The following P2RX4 variants were observed in gnomAD, a reference collection of about 807,000 sequenced individuals.
P2RX4 encodes the protein purinergic receptor P2X 4, also known as P2X purinoceptor 4.
P2RX4 carries 37 observed loss-of-function variants against 48.0 expected under a neutral mutation model. That is an observed-to-expected ratio of 0.77 (90% confidence interval 0.59 to 1.01). P2RX4 has a LOEUF of 1.01. P2RX4 is among the 50% of genes least tolerant of loss of function. P2RX4 has a pLI of 0.00. For missense variants in P2RX4, 501 were observed against 521.4 expected, an observed-to-expected ratio of 0.96 and a Z score of 0.38; for synonymous variants, 200 against 199.7, an observed-to-expected ratio of 1.00 and a Z score of -0.01.
At position 121,233,018 on chromosome 12, in the gene P2RX4, A is replaced by ATAG. The variant is rs774300164; in HGVS notation, c.1068_1070dup (p.Val357dup). 4.8e-5 allele frequency: 77 copies of ATAG among 1,613,574 alleles called. 1 individual carries two copies. The South Asian group carries it at 4.9e-4, about 10-fold the overall frequency. On this transcript the variant is annotated inframe_insertion, in exon 11 of 12. Transcript: ENST00000337233. The stretch of plus-strand genomic sequence containing the variant: ...TCAGGCGACCGTGCTGTGTGACATC[A>ATAG]TAGTCCTCTACTGCATGAAGAAAAG...
chr12:121,218,141 A>G (rs1593203557), intron 2 of P2RX4, among the ~76,000 whole-genome samples: 1 of 152,272 alleles, frequency 6.6e-6, no homozygotes, highest in Middle Eastern at 3.4e-3. Context: ...CCTTCTCAAG[A>G]GAAGGGTCTT....
At chr12:121,210,775 C>A (rs1012300915) in intron 1 of P2RX4, among the ~76,000 whole-genome samples, 2 of 152,190 alleles carry the variant, frequency 1.3e-5, no homozygotes, top group Admixed American at 6.5e-5. Context: ...CGAGACCCGT[C>A]TGTTTACAAA....
rs1259122410 is a variant in P2RX4, at chr12:121,233,795, G to C, written c.*246G>C. 1 of 879,180 alleles carries C rather than the reference G, an allele frequency of 1.1e-6. No homozygotes were observed. The highest frequency in any genetic ancestry group is 1.7e-5 in the African/African-American group (1 of 58,836). The allele number at this position is 879,180 out of a possible 1,614,324, so 54.5% of individuals were successfully genotyped here. A position where few individuals can be genotyped will look rare whatever the true frequency, so the allele number is the denominator to read the frequency against. On this transcript the variant is annotated 3_prime_UTR_variant, in exon 12 of 12. Transcript: ENST00000337233. ...TCTGCTTTTCCCGCAACCTGGGGTTGTCGGGGGAGCGCTGGCCCGACGCAG... is the reference window on the plus strand; with the variant it reads ...TCTGCTTTTCCCGCAACCTGGGGTTCTCGGGGGAGCGCTGGCCCGACGCAG...
At chr12:121,225,286 C>G (rs1342642137) in intron 5 of P2RX4, among the ~76,000 whole-genome samples, 1 of 151,984 alleles carries the variant, frequency 6.6e-6, no homozygotes. Context: ...GTTGGCCAGG[C>G]TGGTCTCGAA....
chr12:121,230,982 ATTT>A (rs1306580537), intron 8 of P2RX4, among the ~76,000 whole-genome samples: 1 of 113,254 alleles, frequency 8.8e-6, no homozygotes, highest in African/African-American at 3.5e-5. Flanking sequence ...ATATATATAT[ATTT>A]TTTTTTTTTT....
At chr12:121,222,797 G>A (rs1365116340) in intron 4 of P2RX4, 150 bp from the exon 5 acceptor site, 3 of 1,527,226 alleles carry the variant, frequency 2.0e-6, no homozygotes, top group African/African-American at 1.4e-5. Context: ...TCTAACTCCT[G>A]GACAGTGACA....
chr12:121,219,355 C>G (rs976134095), intron 2 of P2RX4, among the ~76,000 whole-genome samples: 2 of 152,162 alleles, frequency 1.3e-5, no homozygotes, highest in African/African-American at 4.8e-5. Flanking sequence ...CTGAGTTGCC[C>G]TGATCCCCAA....
At chr12:121,233,397 G>A (rs373831045) in intron 11 of P2RX4, 126 bp from the exon 12 acceptor site, 3 of 953,114 alleles carry the variant, frequency 3.1e-6, no homozygotes, top group African/African-American at 3.2e-5. Context: ...GAACAGGAAG[G>A]GTTGGGTTCC....
chr12:121,222,860 A>ACTTTT, intron 4 of P2RX4, 87 bp from the exon 5 acceptor site: 1 of 1,411,416 alleles, frequency 7.1e-7, no homozygotes, highest in South Asian at 1.2e-5. Context: ...GGGAGGCTGG[A>ACTTTT]TGGGGCTCTC....
At chr12:121,216,697 G>T in intron 1 of P2RX4, 1 of 421,694 alleles carries the variant, frequency 2.4e-6, no homozygotes, top group South Asian at 2.3e-5. Context: ...GCGCATGCCT[G>T]TAATCCCAGC....
rs1443820576 is a variant in P2RX4, at chr12:121,233,074, T to C, written c.1122T>C (p.Tyr374=). The C allele has an allele frequency of 8.1e-6, 13 of 1,611,758 alleles. No individual in the cohort carries two copies. The highest frequency in any genetic ancestry group is 9.3e-6 in the Non-Finnish European group (11 of 1,178,156). Residue 374 remains tyrosine, a synonymous_variant, in exon 11 of 12, where the codon TAT becomes TAC. Transcript: ENST00000337233. ...ACTATCGGGAGAAGAAATATAAATA[T>C]GTGGAAGATTACGAGCAGGTAGGCC... The part of the protein sequence containing the change: ...RLYYREKKYK[Y]VEDYEQGLAS...
intron 11 of P2RX4, chr12:121,233,321 G>T: frequency 4.6e-6 from 3 of 649,190 alleles, no homozygotes; most frequent in Non-Finnish European, 8.3e-6. Flanking sequence ...CGACATCTCA[G>T]GTTGGTGATG....
rs781057553 is a variant in P2RX4 at position 121,232,529 on chromosome 12, C to T, written c.978+22C>T. 1 of 1,609,366 alleles carries T rather than the reference C, an allele frequency of 6.2e-7. No homozygotes were observed. The highest frequency in any genetic ancestry group is 8.5e-7 in the Non-Finnish European group (1 of 1,175,608). On this transcript the variant is annotated intron_variant, in intron 9 of 11. Transcript: ENST00000337233. This position sits in a 1 kb window ranked among gnomAD's most constrained non-coding sequence, Gnocchi z 4.3. ...GAAGGTAGCTCGCCGCCACTGGCTC[C>T]CCTCCGTCACTCCCTGCAGGGACAA...
At chr12:121,225,824 A>G (rs906379991) in intron 5 of P2RX4, among the ~76,000 whole-genome samples, 2 of 152,142 alleles carry the variant, frequency 1.3e-5, no homozygotes, top group Non-Finnish European at 2.9e-5. Context: ...TGTTTCTTTT[A>G]CTTTGTAGTG....
chr12:121,225,798 T>A lies in P2RX4; in HGVS notation c.525-2735T>A, dbSNP rs1268490871. ...ATGTTGAAGTAATATTTTGGGTTAC[T>A]GTATAAAATTTTACTTGTTTCTTTT... On this transcript the variant is annotated intron_variant, in intron 5 of 11. Coordinates refer to ENST00000337233, the MANE Select transcript of P2RX4 (RefSeq NM_002560.3). 2.0e-5 allele frequency among the ~76,000 whole-genome samples: 3 copies of A among 152,242 alleles called. No homozygotes were observed. In the East Asian group the frequency reaches 5.8e-4, roughly 29 times the overall value.
chr12:121,232,729 T>C lies in P2RX4; in HGVS notation c.1044+53T>C, dbSNP rs1887451663. On this transcript the variant is annotated intron_variant, in intron 10 of 11. Coordinates refer to ENST00000337233, the MANE Select transcript of P2RX4 (RefSeq NM_002560.3). This position sits in a 1 kb window ranked among gnomAD's most constrained non-coding sequence, Gnocchi z 4.3. The stretch of plus-strand genomic sequence containing the variant: ...CTCACGGTGAGGTGAGACCCTGGGC[T>C]GGGGTCCTGGTCCTGGCCCTAGGCC... 1 of 1,452,314 alleles carries C rather than the reference T, an allele frequency of 6.9e-7. No individual in the cohort carries two copies. The allele number at this position is 1,452,314 out of a possible 1,614,324, so 90.0% of individuals were successfully genotyped here.
At chr12:121,222,409 T>TG in intron 4 of P2RX4, 1 of 548,566 alleles carries the variant, frequency 1.8e-6, no homozygotes, top group South Asian at 2.4e-5. Flanking sequence ...TTTTTTTTTT[T>TG]GTTTTGTTTT....
intron 5 of P2RX4, among the ~76,000 whole-genome samples, chr12:121,227,702 A>C (rs1887061161): frequency 6.6e-6 from 1 of 152,194 alleles, no homozygotes; most frequent in South Asian, 2.1e-4. Context: ...TTGGAAGAGA[A>C]GAGTGTGCAT....
chr12:121,216,994 C>T, intron 1 of P2RX4, 140 bp from the exon 2 acceptor site: 1 of 854,176 alleles, frequency 1.2e-6, no homozygotes, highest in Non-Finnish European at 2.0e-6. Flanking sequence ...AAATGGAGTC[C>T]CCTAGAAGGT....
Sources: gnomAD v4.1 joint callset for allele counts (sites outside exome capture counted in the v4.1 genomes callset) on GRCh38, gnomAD v4.1.1 for gene constraint, Gnocchi (gnomAD v3.1) non-coding constraint, MANE v1.5 for transcripts, NCBI Gene and HGNC (gene_info 2026-07-23, HGNC 2026-07-21) for gene names.